Variants in GOLM1 observed in about 807,000 individuals in gnomAD.
GOLM1 encodes golgi membrane protein 1, also known as epididymis luminal protein 46.
A neutral mutation model predicts 50.5 loss-of-function variants in GOLM1; 31 were observed. That is an observed-to-expected ratio of 0.61 (90% confidence interval 0.46 to 0.83). The LOEUF (loss-of-function observed/expected upper bound fraction) is 0.83, where lower values mean the gene tolerates loss of function less well. Among genes scored for constraint, GOLM1 ranks in the 40% least tolerant of loss-of-function variants. GOLM1 has a pLI of 0.00. For synonymous variants in GOLM1, 178 were observed against 192.8 expected (o/e 0.92, Z 0.64); for missense variants, 491 against 501.3 (o/e 0.98, Z 0.20).
At chr9:86,091,668 C>T (rs1297657955) in intron 1 of GOLM1, among the ~76,000 whole-genome samples, 1 of 152,176 alleles carries the variant, frequency 6.6e-6, no homozygotes, top group Non-Finnish European at 1.5e-5. Context: ...AAGCAATCCT[C>T]ACACCTCAGT....
rs1237890819 is a variant in GOLM1, at chr9:86,033,689, A to C, written c.1016-294T>G. The stretch of plus-strand genomic sequence containing the variant: ...TCTCAATTTTTTAAAGAGATAATCA[A>C]CTCAAGATAAAAGAAAGGTGCCACT... On this transcript the variant is annotated intron_variant, in intron 8 of 9. Coordinates refer to ENST00000388712, the MANE Select transcript of GOLM1 (RefSeq NM_016548.4). 2.0e-5 allele frequency among the ~76,000 whole-genome samples: 3 copies of C among 152,172 alleles called. No individual in the cohort carries two copies. The East Asian group carries it at 5.8e-4, about 29-fold the overall frequency.
intron 1 of GOLM1, among the ~76,000 whole-genome samples, chr9:86,084,048 G>A (rs1834874240): frequency 6.6e-6 from 1 of 152,084 alleles, no homozygotes. Context: ...TCTGAATTCT[G>A]AAAAAAGTCC....
intron 7 of GOLM1, among the ~76,000 whole-genome samples, chr9:86,036,016 G>T (rs1317470652): frequency 6.6e-6 from 1 of 151,898 alleles, no homozygotes; most frequent in Non-Finnish European, 1.5e-5. Context: ...CCCACCCAGG[G>T]CTTGCTCACA....
intron 1 of GOLM1, among the ~76,000 whole-genome samples, chr9:86,094,157 G>C (rs949132472): frequency 1.9e-5 from 2 of 105,930 alleles, no homozygotes; most frequent in East Asian, 3.2e-4. Context: ...GGCCATATCC[G>C]GGCCTGGTTT....
intron 3 of GOLM1, among the ~76,000 whole-genome samples, chr9:86,072,388 G>C (rs527420965): frequency 6.6e-6 from 1 of 152,226 alleles, no homozygotes; most frequent in South Asian, 2.1e-4. Context: ...CCATCACACA[G>C]CTGTTGAGAA....
chr9:86,049,699 T>A (rs1462095741), intron 4 of GOLM1, among the ~76,000 whole-genome samples: 1 of 152,220 alleles, frequency 6.6e-6, no homozygotes, highest in Non-Finnish European at 1.5e-5. Flanking sequence ...ATGCTTGTGA[T>A]TTTTGCACAT....
chr9:86,038,912 C>T (rs1415900876), intron 6 of GOLM1, among the ~76,000 whole-genome samples: 1 of 151,636 alleles, frequency 6.6e-6, no homozygotes, highest in Non-Finnish European at 1.5e-5. Context: ...GATATAATAC[C>T]AAGAACACAC....
intron 3 of GOLM1, among the ~76,000 whole-genome samples, chr9:86,061,797 G>A (rs1338431236): frequency 2.0e-5 from 3 of 152,212 alleles, no homozygotes; most frequent in African/African-American, 7.2e-5. Context: ...TGAACTGAGT[G>A]TGAGAATACC....
At chr9:86,060,905 AAAAAAAAAAG>A (rs1834141461) in intron 3 of GOLM1, among the ~76,000 whole-genome samples, 16 of 75,994 alleles carry the variant, frequency 2.1e-4, no homozygotes, top group African/African-American at 2.7e-4. Context: ...AAAAAAAAAA[AAAAAAAAAAG>A]AAGAAGAAGA....
At chr9:86,039,666 T>G (rs1587700293) in intron 6 of GOLM1, among the ~76,000 whole-genome samples, 1 of 152,110 alleles carries the variant, frequency 6.6e-6, no homozygotes, top group African/African-American at 2.4e-5. Flanking sequence ...GTATTCATAC[T>G]CAGTCAAAGA....
chr9:86,038,322 C>T (rs1040509078), intron 6 of GOLM1, among the ~76,000 whole-genome samples: 6 of 151,780 alleles, frequency 4.0e-5, no homozygotes, highest in East Asian at 1.9e-4. Context: ...AGCAGTGTGG[C>T]GGGGAAAGGA....
chr9:86,053,743 C>CA, intron 3 of GOLM1, among the ~76,000 whole-genome samples: 1 of 6,060 alleles, frequency 1.7e-4, no homozygotes, highest in Non-Finnish European at 4.0e-4. Flanking sequence ...TCCACACACA[C>CA]CACACACTAC....
chr9:86,055,178 A>G (rs1833950418), intron 3 of GOLM1, among the ~76,000 whole-genome samples: 13 of 152,216 alleles, frequency 8.5e-5, no homozygotes, highest in Admixed American at 8.5e-4. Flanking sequence ...CTCTGAGGAT[A>G]TGGAACATTT....
At chr9:86,094,161 C>T (rs1020860954) in intron 1 of GOLM1, among the ~76,000 whole-genome samples, 3 of 80,866 alleles carry the variant, frequency 3.7e-5, no homozygotes, top group Admixed American at 2.1e-4. Flanking sequence ...ATATCCGGGC[C>T]TGGTTTTTTT....
chr9:86,090,786 C>CAAAAAAA (rs776381865), intron 1 of GOLM1, among the ~76,000 whole-genome samples: 4 of 41,296 alleles, frequency 9.7e-5, no homozygotes, highest in East Asian at 7.2e-4. Flanking sequence ...ACTGGGGTAC[C>CAAAAAAA]AAAAAAAAAA....
At chr9:86,031,771 T>C (rs1334189173) in intron 9 of GOLM1, among the ~76,000 whole-genome samples, 1 of 151,642 alleles carries the variant, frequency 6.6e-6, no homozygotes, top group Non-Finnish European at 1.5e-5. Context: ...GAAGTGTCTA[T>C]TTCTAAGAAC....
chr9:86,054,803 C>G (rs1280892896), intron 3 of GOLM1, among the ~76,000 whole-genome samples: 2 of 152,214 alleles, frequency 1.3e-5, no homozygotes, highest in Admixed American at 6.5e-5. Flanking sequence ...TATTAAATAT[C>G]AGAGTGCACT....
chr9:86,088,896 G>T (rs1370695029), intron 1 of GOLM1, among the ~76,000 whole-genome samples: 1 of 152,070 alleles, frequency 6.6e-6, no homozygotes, highest in African/African-American at 2.4e-5. Context: ...GCAGTGGCTG[G>T]TACTGGTTTT....
rs570912030 is a variant in GOLM1, at chr9:86,052,862, A to G, written c.310-271T>C. On this transcript the variant is annotated intron_variant, in intron 3 of 9. Transcript: ENST00000388712. ...CCAGCCCAGGAAACGCTGCTCCTCC[A>G]GGAAAGGGCCAGCCAGGCCCTCCTT... Among the ~76,000 whole-genome samples the G allele has an allele frequency of 2.2e-5, 3 of 133,896 alleles. No homozygotes were observed. In the South Asian group the frequency reaches 6.8e-4, roughly 30 times the overall value. The allele number at this position is 133,896 out of a possible 152,430, so 87.8% of individuals were successfully genotyped here.
Sources: allele counts gnomAD v4.1 joint callset (sites outside exome capture counted in the v4.1 genomes callset), GRCh38; gene constraint gnomAD v4.1.1; transcripts MANE v1.5; gene names NCBI Gene and HGNC (gene_info 2026-07-23, HGNC 2026-07-21).